Variants in GDA observed in about 807,000 individuals in gnomAD.
GDA encodes cytoplasmic PSD-95 interactor.
Under a neutral mutation model 59.6 loss-of-function variants are expected in GDA, and 18 were observed. The ratio of observed to expected loss-of-function variants is 0.30; its 90% CI spans 0.21 to 0.45. The LOEUF (loss-of-function observed/expected upper bound fraction) is 0.45, where lower values mean the gene tolerates loss of function less well. GDA is among the 20% of genes least tolerant of loss of function. The pLI is 1.00. For missense variants in GDA, 427 were observed against 552.3 expected (o/e 0.77, Z 2.27); for synonymous variants, 201 against 201.1 (o/e 1.00, Z 0.00).
intron 1 of GDA, among the ~76,000 whole-genome samples, chr9:72,116,858 G>A (rs1321204479): frequency 6.6e-6 from 1 of 151,984 alleles, no homozygotes; most frequent in Non-Finnish European, 1.5e-5. Flanking sequence ...CATGTGCCAT[G>A]TTGGTGTGCT....
In GDA at chr9:72,248,314, A is replaced by T; in HGVS notation, c.1337A>T (p.Gln446Leu). 1.9e-6 allele frequency: 3 copies of T among 1,613,488 alleles called. No homozygotes were observed. Among genetic ancestry groups the T allele is most frequent in the Non-Finnish European group, 2.5e-6 (3 of 1,179,404 alleles). Residue 446 changes from glutamine (Q) to leucine (L), a missense_variant, in exon 14 of 14, where the codon CAG (glutamine) becomes CTG (leucine). Transcript: ENST00000358399. ...NIEEVYVGGK[Q>L]VVPFSSSV ...GAAGAGGTTTATGTGGGCGGAAAGC[A>T]GGTGGTTCCGTTTTCCAGCTCAGTG...
intron 1 of GDA, among the ~76,000 whole-genome samples, chr9:72,157,875 A>G (rs1317435580): frequency 6.6e-6 from 1 of 152,206 alleles, no homozygotes; most frequent in East Asian, 1.9e-4. Context: ...TGACTGATTT[A>G]CACCATATTG....
At chr9:72,214,363 T>A (rs2131479638) in intron 5 of GDA, among the ~76,000 whole-genome samples, 2 of 151,018 alleles carry the variant, frequency 1.3e-5, no homozygotes, top group African/African-American at 4.9e-5. Flanking sequence ...ACTGCAACCT[T>A]CAGCTCACTG....
chr9:72,245,373 A>G, intron 12 of GDA, 95 bp downstream of exon 12: 1 of 865,192 alleles, frequency 1.2e-6, no homozygotes, highest in Non-Finnish European at 1.9e-6. Context: ...AAACTTTTTA[A>G]TGGAATGCAG....
rs796887365 is a variant in GDA, at chr9:72,229,583, A to G, written c.921-1531A>G. On this transcript the variant is annotated intron_variant, in intron 9 of 13. Coordinates refer to ENST00000358399, the MANE Select transcript of GDA (RefSeq NM_004293.5). ...CTGTGACAGTAATACCCAAATGCTT[A>G]TGGGTTGTTGTTGAGGGCTCCTGGG... Among the ~76,000 whole-genome samples the G allele has an allele frequency of 4.6e-5, 7 of 152,086 alleles. No individual in the cohort carries two copies. The South Asian group carries it at 1.2e-3, about 27-fold the overall frequency.
chr9:72,238,898 A>G (rs1392819067), intron 10 of GDA, among the ~76,000 whole-genome samples: 1 of 152,134 alleles, frequency 6.6e-6, no homozygotes, highest in African/African-American at 2.4e-5. Flanking sequence ...TGTTATTTCT[A>G]TTTTCTGAGA....
intron 1 of GDA, among the ~76,000 whole-genome samples, chr9:72,133,874 C>T (rs528973997): frequency 6.6e-5 from 10 of 152,234 alleles, no homozygotes; most frequent in South Asian, 4.1e-4. Flanking sequence ...AAACCTATCC[C>T]CAGTCCTATT....
intron 6 of GDA, among the ~76,000 whole-genome samples, chr9:72,221,118 C>T (rs1446992983): frequency 1.3e-5 from 2 of 152,186 alleles, no homozygotes; most frequent in Non-Finnish European, 2.9e-5. Context: ...TTCTCTCCTG[C>T]CTGGCCACTC....
rs895977344 is a variant in GDA, at chr9:72,184,295, T to C, written c.124-11205T>C. On this transcript the variant is annotated intron_variant, in intron 1 of 13. Coordinates refer to ENST00000358399, the MANE Select transcript of GDA (RefSeq NM_004293.5). ...GTGGTTTTGGACACTTGTATAATGA[T>C]GTATTGACCATTATAGTATCATAGA... Among the ~76,000 whole-genome samples the C allele has an allele frequency of 4.3e-4, 66 of 152,226 alleles. 2 individuals are homozygous for C.
intron 1 of GDA, among the ~76,000 whole-genome samples, chr9:72,169,552 T>C (rs1226226459): frequency 6.6e-6 from 1 of 152,256 alleles, no homozygotes; most frequent in Non-Finnish European, 1.5e-5. Flanking sequence ...GCTTTCTCCA[T>C]GTCCACTCTA....
intron 1 of GDA, among the ~76,000 whole-genome samples, chr9:72,139,498 G>T (rs928875242): frequency 1.2e-4 from 18 of 152,116 alleles, no homozygotes; most frequent in African/African-American, 4.1e-4. Flanking sequence ...AGATCTAAGG[G>T]AAGAGAAGTC....
chr9:72,218,232 G>A lies in GDA; in HGVS notation c.579-1247G>A, dbSNP rs796566414. On this transcript the variant is annotated intron_variant, in intron 5 of 13. Transcript: ENST00000358399. ...CCTGGCCAAAATGTAATTTTATTCT[G>A]TTCAACATCTAAGAGATACAGAAGA... 3.0e-4 allele frequency among the ~76,000 whole-genome samples: 45 copies of A among 152,222 alleles called. 1 individual carries two copies. The Middle Eastern group carries it at 0.01, about 35-fold the overall frequency.
intron 5 of GDA, among the ~76,000 whole-genome samples, chr9:72,214,516 G>A (rs532249731): frequency 8.1e-4 from 123 of 151,806 alleles, no homozygotes; most frequent in Non-Finnish European, 1.6e-3. Context: ...GGCTGGTCTC[G>A]AACTCCTGAC....
At chr9:72,173,556 C>T (rs1830224610) in intron 1 of GDA, among the ~76,000 whole-genome samples, 1 of 152,002 alleles carries the variant, frequency 6.6e-6, no homozygotes, top group Non-Finnish European at 1.5e-5. Context: ...GTCTCAAACT[C>T]CTGACCTCAA....
At chr9:72,181,655 T>C (rs1422147365) in intron 1 of GDA, among the ~76,000 whole-genome samples, 1 of 152,096 alleles carries the variant, frequency 6.6e-6, no homozygotes, top group Non-Finnish European at 1.5e-5. Flanking sequence ...CTTTTTTTTC[T>C]TTTAGTCAGA....
chr9:72,249,254 G>A lies in GDA; in HGVS notation c.*912G>A, dbSNP rs147668366. 147 of 985,094 alleles carry A rather than the reference G, an allele frequency of 1.5e-4. No individual in the cohort carries two copies. The African/African-American group carries it at 1.6e-3, about 11-fold the overall frequency. 61.0% of individuals were successfully genotyped at this position (985,094 alleles called of 1,614,324 possible). A position where few individuals can be genotyped will look rare whatever the true frequency, so the allele number is the denominator to read the frequency against. On this transcript the variant is annotated 3_prime_UTR_variant, in exon 14 of 14. Transcript: ENST00000358399. ...GGGCAAATGCTGGCATCCAGGAGCC[G>A]CCAATACTAACAGGACAGGTTCCAT...
chr9:72,225,753 T>C lies in GDA; in HGVS notation c.791T>C (p.Val264Ala). 1.4e-6 allele frequency: 2 copies of C among 1,481,338 alleles called. No individual in the cohort carries two copies. Among genetic ancestry groups the C allele is most frequent in the Non-Finnish European group, 1.9e-6 (2 of 1,069,864 alleles). The allele number at this position is 1,481,338 out of a possible 1,614,324, so 91.8% of individuals were successfully genotyped here. ...LYPSYKNYTSVYDKNNLLTNK... is the reference protein window; with the variant it reads ...LYPSYKNYTSAYDKNNLLTNK... ...CCCAGTTATAAAAACTACACATCTG[T>C]GTATGATAAAAACAATCTTTTGACA... Residue 264 changes from valine (V) to alanine (A), a missense_variant, in exon 8 of 14, where the codon GTG becomes GCG. Val to Ala is a moderately conservative substitution (Grantham distance 64). Coordinates refer to ENST00000358399, the MANE Select transcript of GDA (RefSeq NM_004293.5).
chr9:72,246,939 C>A (rs915988471), intron 12 of GDA, among the ~76,000 whole-genome samples: 1 of 151,784 alleles, frequency 6.6e-6, no homozygotes, highest in Non-Finnish European at 1.5e-5. Flanking sequence ...CCAGTAAAGC[C>A]CCCTCCCTCA....
At position 72,225,746 on chromosome 9, in the gene GDA, A is replaced by C; in HGVS notation, c.784A>C (p.Thr262Pro). 3 of 1,515,046 alleles carry C rather than the reference A, an allele frequency of 2.0e-6. No individual in the cohort carries two copies. The highest frequency in any genetic ancestry group is 1.8e-6 in the Non-Finnish European group (2 of 1,096,172). 93.9% of individuals were successfully genotyped at this position (1,515,046 alleles called of 1,614,324 possible). The change falls in exon 8 of 14, where the codon ACA (threonine) becomes CCA (proline). Residue 262 changes from threonine to proline, a missense_variant. By Grantham distance (38) the Thr-to-Pro change is conservative. Coordinates refer to ENST00000358399, the MANE Select transcript of GDA (RefSeq NM_004293.5). The stretch of plus-strand genomic sequence containing the variant: ...CTTATACCCCAGTTATAAAAACTAC[A>C]CATCTGTGTATGATAAAAACAATCT... ...KNLYPSYKNY[T>P]SVYDKNNLLT...
Sources: gnomAD v4.1 joint callset for allele counts (sites outside exome capture counted in the v4.1 genomes callset) on GRCh38, gnomAD v4.1.1 for gene constraint, MANE v1.5 for transcripts, NCBI Gene and HGNC (gene_info 2026-07-23, HGNC 2026-07-21) for gene names.